The following ARHGAP39 variants were observed in gnomAD, a reference collection of about 807,000 sequenced individuals.
ARHGAP39 encodes rho GTPase-activating protein 39.
A neutral mutation model predicts 106.9 loss-of-function variants in ARHGAP39; 44 were observed. The observed-to-expected ratio is 0.41, with a 90% CI of 0.32 to 0.53. The LOEUF is 0.53. ARHGAP39 is among the 20% of genes least tolerant of loss of function. The pLI, the probability that ARHGAP39 is intolerant of heterozygous loss-of-function variation, is 0.21. For synonymous variants in ARHGAP39, 768 were observed against 693.2 expected (o/e 1.11, Z -1.69); for missense variants, 1,496 against 1,577.3 (o/e 0.95, Z 0.87).
At chr8:144,557,551 G>C (rs371310780) in intron 3 of ARHGAP39, among the ~76,000 whole-genome samples, 6 of 149,872 alleles carry the variant, frequency 4.0e-5, no homozygotes, top group Admixed American at 4.0e-4. Flanking sequence ...AGAGGCAAAG[G>C]CTGAACCTTC....
intron 6 of ARHGAP39, among the ~76,000 whole-genome samples, chr8:144,538,045 G>A (rs114058316): frequency 0.01 from 1,560 of 152,318 alleles, 29 homozygotes; most frequent in African/African-American, 0.036. Context: ...GTGCTGGCGT[G>A]AGTGGAGGTG....
chr8:144,611,659 A>T (rs1820493633), intron 1 of ARHGAP39, among the ~76,000 whole-genome samples: 1 of 152,240 alleles, frequency 6.6e-6, no homozygotes. Flanking sequence ...ATTGCTTTAC[A>T]TCAGAGTTAG....
At chr8:144,614,767 G>A (rs1275738613) in intron 1 of ARHGAP39, among the ~76,000 whole-genome samples, 1 of 152,218 alleles carries the variant, frequency 6.6e-6, no homozygotes, top group South Asian at 2.1e-4. Context: ...AGGGCTAACT[G>A]TTCTCCACTG....
chr8:144,557,216 G>C (rs78973961), intron 3 of ARHGAP39, among the ~76,000 whole-genome samples: 8 of 46,398 alleles, frequency 1.7e-4, no homozygotes, highest in East Asian at 5.8e-4. Flanking sequence ...AGAGGCAAAG[G>C]CTGAACCTTC....
At chr8:144,590,368 G>A (rs916837520) in intron 2 of ARHGAP39, among the ~76,000 whole-genome samples, 2 of 152,216 alleles carry the variant, frequency 1.3e-5, no homozygotes, top group Non-Finnish European at 2.9e-5. Flanking sequence ...CTGGTGGGAG[G>A]TGCCTGGGTC....
chr8:144,539,792 T>G (rs1817116934), intron 6 of ARHGAP39, among the ~76,000 whole-genome samples: 2 of 152,332 alleles, frequency 1.3e-5, no homozygotes, highest in East Asian at 3.9e-4. Flanking sequence ...AGTGCCACAC[T>G]CTCGTTAGTC....
At chr8:144,536,429 C>G (rs114732947) in intron 7 of ARHGAP39, among the ~76,000 whole-genome samples, 3,352 of 152,300 alleles carry the variant, frequency 0.022, 116 homozygotes, top group African/African-American at 0.073. Flanking sequence ...ACTCCAGGCA[C>G]AGGGGAGTCT....
chr8:144,674,579 G>T (rs1015391277), intron 1 of ARHGAP39, among the ~76,000 whole-genome samples: 6 of 152,206 alleles, frequency 3.9e-5, no homozygotes. Context: ...CAGCCCCCAG[G>T]CTTCAGGCTG....
rs755640522 is a variant in ARHGAP39 at position 144,548,387 on chromosome 8, G to A, written c.699C>T (p.Ala233=). The A allele has an allele frequency of 1.9e-6, 3 of 1,610,500 alleles. No homozygotes were observed. The South Asian group carries it at 3.3e-5, about 18-fold the overall frequency. Reference sequence around the variant, plus strand: ...AGCGGACCCCAGGTGGGCCGTCTGGGGCGTAGCCATTGCCCTGGGCGGCGA... The same window carrying A: ...AGCGGACCCCAGGTGGGCCGTCTGGAGCGTAGCCATTGCCCTGGGCGGCGA... ...SFLAAQGNGY[A]PDGPPGVRSR... Residue 233 remains alanine (A), a synonymous_variant, in exon 5 of 12, where the codon GCC becomes GCT. Coordinates refer to ENST00000377307, the MANE Select transcript of ARHGAP39 (RefSeq NM_025251.3). The surrounding 1 kb of genome is among the most constrained non-coding windows in gnomAD (Gnocchi z 7.4).
chr8:144,530,309 AG>A lies in ARHGAP39; in HGVS notation c.*112del, dbSNP rs1816623824. 2.5e-6 allele frequency: 3 copies of A among 1,182,100 alleles called. No homozygotes were observed. Among genetic ancestry groups the A allele is most frequent in the Non-Finnish European group, 3.5e-6 (3 of 850,522 alleles). The allele number at this position is 1,182,100 out of a possible 1,614,324, so 73.2% of individuals were successfully genotyped here. On this transcript the variant is annotated 3_prime_UTR_variant, in exon 12 of 12. Coordinates refer to ENST00000377307, the MANE Select transcript of ARHGAP39 (RefSeq NM_025251.3). ...CGGGGCCAGGGGCCTGGGGGAGTGG[AG>A]GGGGCTCCAGGGCTGGGCCGGGCGA...
rs1200199573 is a variant in ARHGAP39 at position 144,641,447 on chromosome 8, G to A, written c.-81-35752C>T. Among the ~76,000 whole-genome samples, 1 of 151,560 alleles carries A rather than the reference G, an allele frequency of 6.6e-6. No homozygotes were observed. Among genetic ancestry groups the A allele is most frequent in the African/African-American group, 2.4e-5 (1 of 41,226 alleles). On this transcript the variant is annotated intron_variant, in intron 1 of 11. Coordinates refer to ENST00000377307, the MANE Select transcript of ARHGAP39 (RefSeq NM_025251.3). This position sits in a 1 kb window ranked among gnomAD's most constrained non-coding sequence, Gnocchi z 5.2. ...ACCAAGACCCCACCATGCTCACATC[G>A]AGGAGGAATGCAGTGGCGCCCAGGT...
chr8:144,557,907 A>G (rs1358780335), intron 3 of ARHGAP39, among the ~76,000 whole-genome samples: 2 of 152,248 alleles, frequency 1.3e-5, no homozygotes, highest in African/African-American at 4.8e-5. Flanking sequence ...AAAAAACCAC[A>G]AAAGATTCAA....
At chr8:144,569,348 A>T (rs539882536) in intron 3 of ARHGAP39, among the ~76,000 whole-genome samples, 1 of 152,378 alleles carries the variant, frequency 6.6e-6, no homozygotes, top group East Asian at 1.9e-4. Flanking sequence ...AGACTTGTAC[A>T]TGAATGTTCA....
In ARHGAP39 at chr8:144,535,212, C is replaced by T. The variant is rs1283967133; in HGVS notation, c.2615-1010G>A. On this transcript the variant is annotated intron_variant, in intron 7 of 11. Coordinates refer to ENST00000377307, the MANE Select transcript of ARHGAP39 (RefSeq NM_025251.3). ...GGTGGACAGCTGAGGGCATGGGGTC[C>T]TTGGACCAGGTTAAAAAAAAGTGCA... 2.0e-5 allele frequency among the ~76,000 whole-genome samples: 3 copies of T among 152,174 alleles called. No individual in the cohort carries two copies. In the East Asian group the frequency reaches 5.8e-4, roughly 29 times the overall value.
At chr8:144,537,635 GTTAGA>G in intron 7 of ARHGAP39, 81 bp downstream of exon 7, 1 of 1,209,890 alleles carries the variant, frequency 8.3e-7, no homozygotes. Context: ...CCCAGAAGCG[GTTAGA>G]GAAGAGAAGG....
chr8:144,549,339 T>C lies in ARHGAP39; in HGVS notation c.597-850A>G, dbSNP rs541436380. On this transcript the variant is annotated intron_variant, in intron 4 of 11. Transcript: ENST00000377307. ...GGCCCCTCCACCACCTTCTGTCTCC[T>C]GGAGGCCACTCGGGTATGGCTATTT... is the stretch of plus-strand genomic sequence containing the variant. 5.3e-3 allele frequency among the ~76,000 whole-genome samples: 807 copies of C among 152,368 alleles called. 5 individuals carry two copies. The highest frequency in any genetic ancestry group is 0.01 in the Non-Finnish European group (681 of 68,028).
At chr8:144,664,434 G>A (rs1821908578) in intron 1 of ARHGAP39, among the ~76,000 whole-genome samples, 1 of 152,220 alleles carries the variant, frequency 6.6e-6, no homozygotes, top group Admixed American at 6.5e-5. Context: ...AGTGGCCCCA[G>A]GACTCTGCCA....
intron 10 of ARHGAP39, among the ~76,000 whole-genome samples, chr8:144,531,216 G>GCATTGC: frequency 7.4e-5 from 10 of 134,762 alleles, no homozygotes; most frequent in African/African-American, 3.1e-4. Context: ...GAGTGGGCTA[G>GCATTGC]ACATAGCAGG....
chr8:144,605,471 G>A (rs1360297413), intron 2 of ARHGAP39, 64 bp downstream of exon 2: 9 of 1,521,950 alleles, frequency 5.9e-6, no homozygotes, highest in Non-Finnish European at 8.2e-6. Context: ...TTTCTCTGCA[G>A]GAAGAAAGCA....
Sources: gnomAD v4.1 joint callset for allele counts (sites outside exome capture counted in the v4.1 genomes callset) on GRCh38, gnomAD v4.1.1 for gene constraint, Gnocchi (gnomAD v3.1) non-coding constraint, MANE v1.5 for transcripts, NCBI Gene and HGNC (gene_info 2026-07-23, HGNC 2026-07-21) for gene names.